Variants in GCC2 observed in about 807,000 individuals in gnomAD.
GCC2 encodes the protein GRIP and coiled-coil domain-containing protein 2.
Under a neutral mutation model 210.6 loss-of-function variants are expected in GCC2, and 120 were observed. That is an observed-to-expected ratio of 0.57 (90% CI 0.49 to 0.66). GCC2 has a LOEUF of 0.66. Ranked by LOEUF, GCC2 falls within the 30% of genes least tolerant of loss-of-function variation. The pLI is 0.00. For synonymous variants in GCC2, 703 were observed against 652.7 expected (o/e 1.08, Z -1.17); for missense variants, 1,868 against 1,871.9 (o/e 1.00, Z 0.04).
chr2:108,449,887 T>C, intron 2 of GCC2, 198 bp downstream of exon 2: 1 of 584,248 alleles, frequency 1.7e-6, no homozygotes, highest in Non-Finnish European at 3.0e-6. Context: ...ACTTTTTGTT[T>C]GCTTCCTGCT....
Position 108,471,445 on chromosome 2 carries a change from A to T in GCC2, c.2116A>T (p.Arg706Trp). 6.2e-7 allele frequency: 1 copy of T among 1,609,514 alleles called. No individual in the cohort carries two copies. Among genetic ancestry groups the T allele is most frequent in the Non-Finnish European group, 8.5e-7 (1 of 1,178,640 alleles). Reference sequence around the variant, plus strand: ...CAGTTCAGAAAAAAAACAGTTGAGTAGGGATTTGGAGGTTTTTTTGTCTCA... The same window carrying T: ...CAGTTCAGAAAAAAAACAGTTGAGTTGGGATTTGGAGGTTTTTTTGTCTCA... Reference protein sequence around the residue: ...KLSSEKKQLSRDLEVFLSQKE... With the variant: ...KLSSEKKQLSWDLEVFLSQKE... The change falls in exon 6 of 23, where the codon AGG becomes TGG. Residue 706 changes from arginine (R) to tryptophan (W), a missense_variant. Around this residue, in one of 3 missense-constraint regions of GCC2, gnomAD observed 1,847 missense variants for 1,765.2 expected, o/e 1.05. Coordinates refer to ENST00000309863, the MANE Select transcript of GCC2 (RefSeq NM_181453.4).
At chr2:108,474,220 A>G (rs1681390962) in intron 7 of GCC2, among the ~76,000 whole-genome samples, 1 of 152,210 alleles carries the variant, frequency 6.6e-6, no homozygotes, top group Admixed American at 6.5e-5. Flanking sequence ...CAAAAGATGG[A>G]GACCAGAGAC....
intron 4 of GCC2, among the ~76,000 whole-genome samples, chr2:108,463,363 C>T (rs945259220): frequency 4.0e-5 from 6 of 151,638 alleles, no homozygotes; most frequent in African/African-American, 1.5e-4. Context: ...TAGGGAAGAA[C>T]TTTTTCCTGA....
At chr2:108,493,894 A>G (rs2917992) in intron 19 of GCC2, 32 of 980,692 alleles carry the variant, frequency 3.3e-5, no homozygotes, top group Middle Eastern at 5.2e-4. Flanking sequence ...AAAAGCTTCA[A>G]AAAGGGCAGT....
chr2:108,491,306 G>A (rs1049173151), intron 18 of GCC2, among the ~76,000 whole-genome samples: 2 of 152,096 alleles, frequency 1.3e-5, no homozygotes, highest in Admixed American at 6.5e-5. Flanking sequence ...CAGTGATACT[G>A]CCTGAGAATA....
At chr2:108,489,114 A>G (rs115948139) in intron 17 of GCC2, among the ~76,000 whole-genome samples, 138 of 152,336 alleles carry the variant, frequency 9.1e-4, no homozygotes, top group African/African-American at 3.3e-3. Context: ...GATTTTAACT[A>G]TCTCCACCTA....
intron 22 of GCC2, among the ~76,000 whole-genome samples, chr2:108,502,964 A>G (rs886974892): frequency 6.6e-6 from 1 of 152,128 alleles, no homozygotes; most frequent in African/African-American, 2.4e-5. Context: ...AGATAGTTCA[A>G]AAGAAATTAC....
At chr2:108,449,434 C>G (rs76296501) in intron 1 of GCC2, 154 bp downstream of exon 1, 2 of 1,393,818 alleles carry the variant, frequency 1.4e-6, no homozygotes, top group South Asian at 1.4e-5. Context: ...AACTCTATCC[C>G]TGGGGGTTAC....
chr2:108,475,252 T>A (rs980736115), intron 7 of GCC2: 3 of 200,714 alleles, frequency 1.5e-5, no homozygotes, highest in Non-Finnish European at 3.0e-5. Flanking sequence ...GGAAATCTAA[T>A]GAGAAAGAAG....
At position 108,471,777 on chromosome 2, in the gene GCC2, G is replaced by C. The variant is rs964071112; in HGVS notation, c.2448G>C (p.Lys816Asn). The part of the protein sequence containing the change: ...EKVLELEKEI[K>N]CLQEESVVQC... ...TATTAGAGTTAGAAAAAGAGATTAA[G>C]TGCCTTCAAGAAGAGAGTGTAGTTC... Residue 816 changes from lysine (K) to asparagine (N), a missense_variant, in exon 6 of 23, where the codon AAG becomes AAC. Lys to Asn is a moderately conservative substitution (Grantham distance 94, BLOSUM62 0). This residue lies in a region of GCC2 where 1,847 missense variants were observed against 1,765.2 expected (regional missense o/e 1.05). Transcript: ENST00000309863. 6.2e-7 allele frequency: 1 copy of C among 1,613,114 alleles called. No homozygotes were observed. Among genetic ancestry groups the C allele is most frequent in the Non-Finnish European group, 8.5e-7 (1 of 1,179,496 alleles).
At chr2:108,457,778 C>T (rs557451622) in intron 4 of GCC2, among the ~76,000 whole-genome samples, 8 of 152,218 alleles carry the variant, frequency 5.3e-5, no homozygotes, top group African/African-American at 1.4e-4. Flanking sequence ...TATAGAAATG[C>T]TACTGGTTTT....
At chr2:108,466,632 C>T (rs1159451987) in intron 4 of GCC2, among the ~76,000 whole-genome samples, 1 of 151,850 alleles carries the variant, frequency 6.6e-6, no homozygotes, top group African/African-American at 2.4e-5. Flanking sequence ...ACCACCACAC[C>T]TGACTAATTT....
rs1681090870 is a variant in GCC2, at chr2:108,469,825, CTTTCAGAACAACTTAAA to C, written c.510_526del (p.Lys171Ter). ...AGAAGCAATGAATACGCAATTAGAA[CTTTCAGAACAACTTAAA>C]TTTCAGAACAACTCTGAAGATAATG... On this transcript the variant is annotated frameshift_variant, in exon 6 of 23. Coordinates refer to ENST00000309863, the MANE Select transcript of GCC2 (RefSeq NM_181453.4). LOFTEE classifies it high-confidence loss of function. The C allele has an allele frequency of 1.9e-6, 3 of 1,613,226 alleles. No homozygotes were observed. Among genetic ancestry groups the C allele is most frequent in the African/African-American group, 1.3e-5 (1 of 74,862 alleles).
Position 108,453,786 on chromosome 2 carries a change from A to T in GCC2, c.216+1320A>T, listed in dbSNP as rs201532016. On this transcript the variant is annotated intron_variant, in intron 4 of 22. Coordinates refer to ENST00000309863, the MANE Select transcript of GCC2 (RefSeq NM_181453.4). ...GGCAACACAGCAAGACTCCGTTTTTAAAAAAAAAAAAAAAAACACAAAAAA... is the reference window on the plus strand; with the variant it reads ...GGCAACACAGCAAGACTCCGTTTTTTAAAAAAAAAAAAAAAACACAAAAAA... Among the ~76,000 whole-genome samples the T allele has an allele frequency of 3.5e-3, 87 of 25,010 alleles. No individual in the cohort carries two copies. In the Middle Eastern group the frequency reaches 0.042, roughly 12 times the overall value. 16.4% of individuals were successfully genotyped at this position (25,010 alleles called of 152,430 possible).
At chr2:108,500,304 A>G (rs1682854406) in intron 22 of GCC2, among the ~76,000 whole-genome samples, 1 of 152,120 alleles carries the variant, frequency 6.6e-6, no homozygotes, top group Non-Finnish European at 1.5e-5. Flanking sequence ...CACAAGATCA[A>G]GATACCGAGA....
At chr2:108,459,051 T>TA (rs1208162872) in intron 4 of GCC2, among the ~76,000 whole-genome samples, 1 of 152,202 alleles carries the variant, frequency 6.6e-6, no homozygotes, top group Admixed American at 6.5e-5. Flanking sequence ...AGGCGTTTAT[T>TA]GCCATAAACT....
In GCC2 at chr2:108,492,687, A is replaced by G; in HGVS notation, c.4344A>G (p.Arg1448=). ...VLRNSFRDQV[R]HLQEEHRKTV... ...GAAATAGCTTCCGAGATCAAGTGCGACATTTGCAGGAAGAACACAGAAAGA... is the reference window on the plus strand; with the variant it reads ...GAAATAGCTTCCGAGATCAAGTGCGGCATTTGCAGGAAGAACACAGAAAGA... The change falls in exon 19 of 23, where the codon CGA becomes CGG. Residue 1448 remains arginine, a synonymous_variant. Transcript: ENST00000309863. 1 of 1,613,992 alleles carries G rather than the reference A, an allele frequency of 6.2e-7. No homozygotes were observed. The highest frequency in any genetic ancestry group is 8.5e-7 in the Non-Finnish European group (1 of 1,179,824).
intron 9 of GCC2, among the ~76,000 whole-genome samples, chr2:108,477,007 T>TTA (rs1010766109): frequency 3.3e-5 from 5 of 152,166 alleles, no homozygotes; most frequent in African/African-American, 1.2e-4. Context: ...ACTGCAAAAC[T>TTA]TATATAGGAT....
chr2:108,484,328 T>G lies in GCC2; in HGVS notation c.3613+17T>G. On this transcript the variant is annotated intron_variant, in intron 13 of 22. Coordinates refer to ENST00000309863, the MANE Select transcript of GCC2 (RefSeq NM_181453.4). ...AAGAAATAAGTGAGTTAAAGAAAAT[T>G]CACTTTACTTTTTAATTATTTCATC... is the stretch of plus-strand genomic sequence containing the variant. The G allele has an allele frequency of 7.3e-7, 1 of 1,371,412 alleles. No individual in the cohort carries two copies. Among genetic ancestry groups the G allele is most frequent in the Non-Finnish European group, 9.9e-7 (1 of 1,005,970 alleles). 85.0% of individuals were successfully genotyped at this position (1,371,412 alleles called of 1,614,324 possible).
Sources: allele counts gnomAD v4.1 joint callset (sites outside exome capture counted in the v4.1 genomes callset), GRCh38; gene constraint gnomAD v4.1.1; regional missense constraint gnomAD v4.1.1; transcripts MANE v1.5; gene names NCBI Gene and HGNC (gene_info 2026-07-23, HGNC 2026-07-21).